The following CLASP1 variants were observed in gnomAD, a reference collection of about 807,000 sequenced individuals.
CLASP1 encodes the protein CLIP-associating protein 1.
A neutral mutation model predicts 192.3 loss-of-function variants in CLASP1; 38 were observed. That is an observed-to-expected ratio of 0.20 (90% CI 0.15 to 0.26). CLASP1 has a LOEUF of 0.26. Ranked by LOEUF, CLASP1 falls within the 10% of genes least tolerant of loss-of-function variation. The pLI, the probability that CLASP1 is intolerant of heterozygous loss-of-function variation, is 1.00. For missense variants in CLASP1, 1,433 were observed against 1,932.5 expected (o/e 0.74, Z 4.85); for synonymous variants, 691 against 712.8 (o/e 0.97, Z 0.49).
At chr2:121,469,001 C>A (rs557920899) in intron 9 of CLASP1, among the ~76,000 whole-genome samples, 5 of 152,226 alleles carry the variant, frequency 3.3e-5, no homozygotes, top group African/African-American at 1.2e-4. Flanking sequence ...TACCTTTGAT[C>A]TTTGAGGTTG....
chr2:121,471,147 G>A (rs1002973201), intron 8 of CLASP1, among the ~76,000 whole-genome samples: 1 of 152,138 alleles, frequency 6.6e-6, no homozygotes, highest in Non-Finnish European at 1.5e-5. Flanking sequence ...CAGATATGGC[G>A]GCGTGTGCCT....
intron 8 of CLASP1, among the ~76,000 whole-genome samples, chr2:121,487,516 A>G (rs913500857): frequency 1.3e-5 from 2 of 152,180 alleles, no homozygotes. Context: ...CATTACATTT[A>G]GTTATCCTGC....
chr2:121,365,926 C>T (rs536930122), intron 35 of CLASP1, among the ~76,000 whole-genome samples: 56 of 152,334 alleles, frequency 3.7e-4, no homozygotes, highest in African/African-American at 1.3e-3. Context: ...GGCAGAAAGG[C>T]ACATCCTTTC....
intron 14 of CLASP1, among the ~76,000 whole-genome samples, chr2:121,454,039 T>C (rs935172634): frequency 3.9e-5 from 6 of 152,202 alleles, no homozygotes; most frequent in African/African-American, 7.2e-5. Context: ...GGTTCAGAAA[T>C]TGGTGAGGGT....
chr2:121,612,106 C>G (rs1413157615), intron 1 of CLASP1, among the ~76,000 whole-genome samples: 6 of 68,708 alleles, frequency 8.7e-5, no homozygotes, highest in Admixed American at 1.4e-4. Context: ...GAAAGAGGAA[C>G]TGGAGGAGGA....
intron 2 of CLASP1, among the ~76,000 whole-genome samples, chr2:121,581,872 G>A (rs1159993591): frequency 3.3e-5 from 5 of 150,944 alleles, no homozygotes; most frequent in African/African-American, 4.9e-5. Context: ...ACGACAAAGC[G>A]AGATACTGTC....
chr2:121,441,207 T>G (rs2083281784), intron 19 of CLASP1, among the ~76,000 whole-genome samples: 1 of 152,198 alleles, frequency 6.6e-6, no homozygotes, highest in African/African-American at 2.4e-5. Flanking sequence ...TTTCAAATTT[T>G]CTAGCAAATT....
chr2:121,417,077 C>G (rs1574542688), intron 23 of CLASP1, among the ~76,000 whole-genome samples: 1 of 152,210 alleles, frequency 6.6e-6, no homozygotes, highest in Non-Finnish European at 1.5e-5. Context: ...TGAGGACCCA[C>G]GCCTTCTGCC....
intron 2 of CLASP1, among the ~76,000 whole-genome samples, chr2:121,601,307 C>T (rs988047218): frequency 6.2e-5 from 9 of 145,976 alleles, no homozygotes; most frequent in Non-Finnish European, 8.9e-5. Flanking sequence ...GAGTCTTGCT[C>T]TGTCGCCCAG....
intron 2 of CLASP1, among the ~76,000 whole-genome samples, chr2:121,601,899 G>C (rs1435588377): frequency 6.6e-6 from 1 of 152,116 alleles, no homozygotes; most frequent in Non-Finnish European, 1.5e-5. Context: ...TTCTGGCCGA[G>C]CACAGTGGCT....
intron 1 of CLASP1, among the ~76,000 whole-genome samples, chr2:121,623,821 C>T (rs2067817726): frequency 6.6e-6 from 1 of 152,180 alleles, no homozygotes; most frequent in African/African-American, 2.4e-5. Flanking sequence ...GCACTCCACC[C>T]TGAGCAACAG....
intron 8 of CLASP1, among the ~76,000 whole-genome samples, chr2:121,488,252 A>T (rs1439068485): frequency 6.6e-6 from 1 of 152,218 alleles, no homozygotes; most frequent in Non-Finnish European, 1.5e-5. Context: ...TATTATTTTA[A>T]ACCTCAGTTC....
At chr2:121,530,133 A>AG in intron 3 of CLASP1, 114 bp downstream of exon 3, 1 of 598,166 alleles carries the variant, frequency 1.7e-6, no homozygotes, top group South Asian at 2.3e-5. Flanking sequence ...AGGGAGGGAG[A>AG]GGGGGCTGGA....
intron 2 of CLASP1, among the ~76,000 whole-genome samples, chr2:121,586,081 T>C (rs2061684729): frequency 6.6e-6 from 1 of 152,132 alleles, no homozygotes; most frequent in Non-Finnish European, 1.5e-5. Context: ...AACACATACA[T>C]AATACAAACA....
chr2:121,363,440 G>A lies in CLASP1; in HGVS notation c.4078-140C>T, dbSNP rs1349901367. 3.2e-6 allele frequency: 3 copies of A among 935,936 alleles called. No individual in the cohort carries two copies. In the Admixed American group the frequency reaches 8.2e-5, roughly 26 times the overall value. The allele number at this position is 935,936 out of a possible 1,614,324, so 58.0% of individuals were successfully genotyped here. On this transcript the variant is annotated intron_variant, in intron 36 of 39. Transcript: ENST00000263710. ...CAGAACCCTCTAAACAGATCACACAGTTCACTTGAAATCAGCTTTACTTGA... is the reference window on the plus strand; with the variant it reads ...CAGAACCCTCTAAACAGATCACACAATTCACTTGAAATCAGCTTTACTTGA...
At chr2:121,512,797 T>C (rs1396937076) in intron 7 of CLASP1, among the ~76,000 whole-genome samples, 1 of 152,248 alleles carries the variant, frequency 6.6e-6, no homozygotes, top group Non-Finnish European at 1.5e-5. Flanking sequence ...TAAGGCATTT[T>C]CCTCACCACG....
intron 30 of CLASP1, 30 bp from the exon 32 acceptor site, chr2:121,387,936 T>C (rs1282609693): frequency 1.9e-6 from 3 of 1,540,968 alleles, no homozygotes; most frequent in Non-Finnish European, 2.7e-6. Flanking sequence ...TTAATTTATG[T>C]AATGTACAAT....
intron 37 of CLASP1, among the ~76,000 whole-genome samples, chr2:121,350,558 GC>G (rs1221112410): frequency 6.6e-6 from 1 of 152,184 alleles, no homozygotes; most frequent in African/African-American, 2.4e-5. Flanking sequence ...TCAGCCCAGG[GC>G]TACACTGTCC....
chr2:121,443,753 A>G (rs759974058), intron 19 of CLASP1, among the ~76,000 whole-genome samples: 6 of 152,222 alleles, frequency 3.9e-5, no homozygotes, highest in Non-Finnish European at 8.8e-5. Context: ...GAAGGACCTA[A>G]GAGTATTTTT....
Sources: allele counts gnomAD v4.1 joint callset (sites outside exome capture counted in the v4.1 genomes callset), GRCh38; gene constraint gnomAD v4.1.1; transcripts MANE v1.5; gene names NCBI Gene and HGNC (gene_info 2026-07-23, HGNC 2026-07-21).